Variants in CHIC1 observed in about 807,000 individuals in gnomAD.
CHIC1 encodes cysteine rich hydrophobic domain 1, also known as cysteine-rich hydrophobic domain-containing protein 1.
In CHIC1, 7 loss-of-function variants were observed where a neutral mutation model predicts 18.5. The observed-to-expected ratio is 0.38, with a 90% CI of 0.22 to 0.71. The LOEUF is 0.71. CHIC1 is among the 30% of genes least tolerant of loss of function. CHIC1 has a pLI of 0.49. For synonymous variants in CHIC1, 77 were observed against 73.5 expected, an observed-to-expected ratio of 1.05 and a Z score of -0.25; for missense variants, 159 against 176.9, an observed-to-expected ratio of 0.90 and a Z score of 0.57.
chrX:73,647,971 A>T (rs1448601507), intron 3 of CHIC1, among the ~76,000 whole-genome samples: 1 of 111,641 alleles, frequency 9.0e-6, no homozygotes. Flanking sequence ...TACTGACATC[A>T]GGTCAATGTC....
intron 3 of CHIC1, among the ~76,000 whole-genome samples, chrX:73,646,190 G>T (rs558417465): frequency 9.0e-6 from 1 of 111,571 alleles, no homozygotes; most frequent in Non-Finnish European, 1.9e-5. Flanking sequence ...CAAACCAATT[G>T]ACCATGGTTT....
At chrX:73,648,691 A>G (rs2057901150) in intron 3 of CHIC1, among the ~76,000 whole-genome samples, 1 of 111,633 alleles carries the variant, frequency 9.0e-6, no homozygotes. Flanking sequence ...AGGAACGAAC[A>G]AAGCCTCAGA....
Position 73,563,238 on chromosome X carries a change from G to A in CHIC1, c.-47G>A. On this transcript the variant is annotated 5_prime_UTR_variant, in exon 1 of 6. Coordinates refer to ENST00000373502, the MANE Select transcript of CHIC1 (RefSeq NM_001039840.4). ...CCCTCCTCTTGCAGCACCTCGGCAGGTTCAAACTCTTCTCCGGGAGCGTGG... is the reference window on the plus strand; with the variant it reads ...CCCTCCTCTTGCAGCACCTCGGCAGATTCAAACTCTTCTCCGGGAGCGTGG... The A allele has an allele frequency of 9.2e-7, 1 of 1,081,227 alleles. No individual in the cohort carries two copies. The highest frequency in any genetic ancestry group is 1.2e-6 in the Non-Finnish European group (1 of 829,413). The allele number at this position is 1,081,227 out of a possible 1,213,427, so 89.1% of individuals were successfully genotyped here.
chrX:73,615,262 G>A (rs752351919), intron 3 of CHIC1, among the ~76,000 whole-genome samples: 7 of 111,263 alleles, frequency 6.3e-5, no homozygotes, highest in East Asian at 2.8e-4. Context: ...TGACAGCAGC[G>A]GGTCCCCAGA....
rs1005009316 is a variant in CHIC1, at chrX:73,604,992, A to C, written c.507+20420A>C. Among the ~76,000 whole-genome samples the C allele has an allele frequency of 9.2e-5, 10 of 108,320 alleles. 1 individual carries two copies. Among genetic ancestry groups the C allele is most frequent in the Admixed American group, 2.9e-4 (3 of 10,261 alleles). The allele number at this position is 108,320 out of a possible 115,157, so 94.1% of individuals were successfully genotyped here. On this transcript the variant is annotated intron_variant, in intron 3 of 5. Coordinates refer to ENST00000373502, the MANE Select transcript of CHIC1 (RefSeq NM_001039840.4). ...TATATTCTGTTGACTTGGGGTGGAGAGTTGTGTAGATGTCTATTAGTTCTG... is the reference window on the plus strand; with the variant it reads ...TATATTCTGTTGACTTGGGGTGGAGCGTTGTGTAGATGTCTATTAGTTCTG...
At chrX:73,625,534 A>G (rs1343890662) in intron 3 of CHIC1, among the ~76,000 whole-genome samples, 2 of 111,189 alleles carry the variant, frequency 1.8e-5, no homozygotes, top group Non-Finnish European at 3.8e-5. Flanking sequence ...CTTCTCCAGC[A>G]TTCCCATTAG....
intron 3 of CHIC1, among the ~76,000 whole-genome samples, chrX:73,597,955 CT>C (rs755200714): frequency 3.9e-4 from 44 of 111,407 alleles, no homozygotes; most frequent in Non-Finnish European, 7.3e-4. Context: ...TGAACTCATT[CT>C]TTTTTATGGC....
At chrX:73,619,859 T>C (rs1297309886) in intron 3 of CHIC1, among the ~76,000 whole-genome samples, 2 of 110,492 alleles carry the variant, frequency 1.8e-5, no homozygotes, top group African/African-American at 6.6e-5. Flanking sequence ...CCTCCCCTTT[T>C]CCCCCACCCC....
chrX:73,673,034 ATTGT>A (rs1228398906), intron 3 of CHIC1, among the ~76,000 whole-genome samples: 2 of 111,479 alleles, frequency 1.8e-5, no homozygotes, highest in Non-Finnish European at 3.8e-5. Context: ...TCCTTTCCCC[ATTGT>A]TTGTTTTTCT....
intron 3 of CHIC1, among the ~76,000 whole-genome samples, chrX:73,660,029 C>A (rs1231844722): frequency 1.8e-5 from 2 of 112,032 alleles, no homozygotes; most frequent in African/African-American, 6.5e-5. Context: ...AGGCTACGGG[C>A]TTGTCCCCCA....
chrX:73,580,957 G>A (rs995337543), intron 2 of CHIC1, among the ~76,000 whole-genome samples: 2 of 111,124 alleles, frequency 1.8e-5, no homozygotes, highest in African/African-American at 6.5e-5. Context: ...TTTATATTAA[G>A]TGCAGAAAAG....
chrX:73,607,209 G>A (rs1215884056), intron 3 of CHIC1, among the ~76,000 whole-genome samples: 2 of 108,753 alleles, frequency 1.8e-5, no homozygotes, highest in African/African-American at 7.2e-5. Flanking sequence ...GAGGTAATTT[G>A]GCTACAGCGG....
chrX:73,589,808 T>G (rs2057572502), intron 3 of CHIC1, among the ~76,000 whole-genome samples: 1 of 111,246 alleles, frequency 9.0e-6, no homozygotes, highest in Non-Finnish European at 1.9e-5. Context: ...CCTCAGCCCT[T>G]GGTTGTCTGG....
rs1172135545 is a variant in CHIC1, at chrX:73,601,267, G to GCACCA, written c.507+16705_507+16709dup. Among the ~76,000 whole-genome samples, 5 of 104,799 alleles carry GCACCA rather than the reference G, an allele frequency of 4.8e-5. 1 individual carries two copies. The highest frequency in any genetic ancestry group is 1.9e-4 in the African/African-American group (5 of 26,571). 91.0% of individuals were successfully genotyped at this position (104,799 alleles called of 115,157 possible). A position where few individuals can be genotyped will look rare whatever the true frequency, so the allele number is the denominator to read the frequency against. On this transcript the variant is annotated intron_variant, in intron 3 of 5. Transcript: ENST00000373502. The stretch of plus-strand genomic sequence containing the variant: ...ATCAACAGAATATACATTTTTTTCA[G>GCACCA]CACCACACCACACCTATTCCAAAAT...
chrX:73,573,554 C>A (rs1391747896), intron 1 of CHIC1, among the ~76,000 whole-genome samples: 1 of 111,190 alleles, frequency 9.0e-6, no homozygotes, highest in African/African-American at 3.3e-5. Context: ...AATCCGTAAG[C>A]GTGAAATGTC....
intron 3 of CHIC1, among the ~76,000 whole-genome samples, chrX:73,665,273 C>G (rs1048045974): frequency 1.3e-4 from 14 of 110,941 alleles, no homozygotes; most frequent in African/African-American, 4.3e-4. Flanking sequence ...TTCCCTCCCC[C>G]TTTTAGGCTC....
intron 3 of CHIC1, among the ~76,000 whole-genome samples, chrX:73,590,995 T>G (rs1276247901): frequency 9.0e-6 from 1 of 111,294 alleles, no homozygotes; most frequent in Non-Finnish European, 1.9e-5. Flanking sequence ...ATGTTTAGTT[T>G]TGTAAGAAAC....
At chrX:73,580,586 A>G (rs1427097133) in intron 2 of CHIC1, among the ~76,000 whole-genome samples, 2 of 110,768 alleles carry the variant, frequency 1.8e-5, no homozygotes, top group Non-Finnish European at 3.8e-5. Context: ...GTTCCTTTGC[A>G]TTATCAAAAT....
intron 3 of CHIC1, among the ~76,000 whole-genome samples, chrX:73,585,392 C>T (rs892507959): frequency 9.0e-6 from 1 of 111,144 alleles, no homozygotes; most frequent in Non-Finnish European, 1.9e-5. Context: ...ATATTGCCAA[C>T]TCTATGACTC....
Sources: gnomAD v4.1 joint callset for allele counts (sites outside exome capture counted in the v4.1 genomes callset) on GRCh38, gnomAD v4.1.1 for gene constraint, MANE v1.5 for transcripts, NCBI Gene and HGNC (gene_info 2026-07-23, HGNC 2026-07-21) for gene names.